The following AKT2 variants were observed in gnomAD, a reference collection of about 807,000 sequenced individuals.
The protein encoded by AKT2 is RAC-beta serine/threonine-protein kinase.
Under a neutral mutation model 58.6 loss-of-function variants are expected in AKT2, and 16 were observed. The observed-to-expected ratio is 0.27, with a 90% CI of 0.18 to 0.41. The LOEUF (loss-of-function observed/expected upper bound fraction) is 0.41, where lower values mean the gene tolerates loss of function less well. Among genes scored for constraint, AKT2 ranks in the 10% least tolerant of loss-of-function variants. AKT2 has a pLI of 1.00. For missense variants in AKT2, 438 were observed against 661.0 expected, an observed-to-expected ratio of 0.66 and a Z score of 3.70; for synonymous variants, 253 against 254.0, an observed-to-expected ratio of 1.00 and a Z score of 0.04.
intron 4 of AKT2, among the ~76,000 whole-genome samples, chr19:40,250,579 G>A (rs918654602): frequency 6.6e-6 from 1 of 152,022 alleles, no homozygotes; most frequent in African/African-American, 2.4e-5. Flanking sequence ...TGTAATCTTA[G>A]CACTCTGGGA....
chr19:40,255,337 C>T, intron 3 of AKT2, 68 bp from the exon 4 acceptor site: 1 of 1,298,146 alleles, frequency 7.7e-7, no homozygotes, highest in South Asian at 1.2e-5. Context: ...GCCCAAAGTG[C>T]CCGAGCCACC....
intron 1 of AKT2, chr19:40,273,396 A>C (rs2077252192): frequency 6.6e-6 from 1 of 150,722 alleles, no homozygotes; most frequent in African/African-American, 2.4e-5. Context: ...GGGAAACTTC[A>C]CTTTCTATAC....
intron 4 of AKT2, among the ~76,000 whole-genome samples, chr19:40,251,560 A>G (rs1045641920): frequency 1.3e-5 from 2 of 152,230 alleles, no homozygotes; most frequent in African/African-American, 4.8e-5. Flanking sequence ...AAAAAAATAA[A>G]TAAATTAATA....
At chr19:40,274,779 C>T (rs2077279641) in intron 1 of AKT2, 4 of 329,680 alleles carry the variant, frequency 1.2e-5, no homozygotes, top group South Asian at 2.5e-5. Flanking sequence ...AGGGGAGGGC[C>T]GGGAGATGTA....
chr19:40,276,011 CA>C (rs748730960), intron 1 of AKT2, among the ~76,000 whole-genome samples: 713 of 107,086 alleles, frequency 6.7e-3, no homozygotes, highest in Middle Eastern at 0.01. Context: ...GACTCCGTCT[CA>C]AAAAAAAAAA....
At chr19:40,269,970 C>G (rs1976598915) in intron 1 of AKT2, among the ~76,000 whole-genome samples, 1 of 152,208 alleles carries the variant, frequency 6.6e-6, no homozygotes, top group East Asian at 1.9e-4. Context: ...CTGCAACATC[C>G]CCCTTTGCTT....
chr19:40,232,714 TCACA>T lies in AKT2; in HGVS notation c.*1154_*1157del, dbSNP rs770057506. Reference sequence around the variant, plus strand: ...ATGCACACTGGAGGACACGCTGCCCTCACACAAACACACATGCACACACACCCAC... The same window carrying T: ...ATGCACACTGGAGGACACGCTGCCCTCAAACACACATGCACACACACCCAC... On this transcript the variant is annotated 3_prime_UTR_variant, in exon 14 of 14. Coordinates refer to ENST00000392038, the MANE Select transcript of AKT2 (RefSeq NM_001626.6). 5 of 233,340 alleles carry T rather than the reference TCACA, an allele frequency of 2.1e-5. No homozygotes were observed. Among genetic ancestry groups the T allele is most frequent in the Middle Eastern group, 1.2e-3 (1 of 812 alleles). 14.5% of individuals were successfully genotyped at this position (233,340 alleles called of 1,614,324 possible). A position where few individuals can be genotyped will look rare whatever the true frequency, so the allele number is the denominator to read the frequency against.
chr19:40,285,293 G>A lies in AKT2; in HGVS notation c.-197C>T, dbSNP rs1170493577. On this transcript the variant is annotated 5_prime_UTR_variant, in exon 1 of 14. Transcript: ENST00000392038. The stretch of plus-strand genomic sequence containing the variant: ...CGGCAGCGGCAACGGCGCCGGCAGC[G>A]GCAGCGGCGGCGGCGACGCCTCCTC... The A allele has an allele frequency of 2.5e-6, 1 of 395,060 alleles. No homozygotes were observed. Among genetic ancestry groups the A allele is most frequent in the Non-Finnish European group, 4.5e-6 (1 of 223,846 alleles). The allele number at this position is 395,060 out of a possible 1,614,324, so 24.5% of individuals were successfully genotyped here.
intron 4 of AKT2, among the ~76,000 whole-genome samples, chr19:40,252,036 T>C (rs1202351477): frequency 6.6e-6 from 1 of 152,150 alleles, no homozygotes; most frequent in Non-Finnish European, 1.5e-5. Context: ...GGAGGGTCTC[T>C]CCAGCTGGAG....
Position 40,255,147 on chromosome 19 carries a change from C to T in AKT2, c.287+11G>A. The T allele has an allele frequency of 6.3e-7, 1 of 1,598,450 alleles. No individual in the cohort carries two copies. Among genetic ancestry groups the T allele is most frequent in the African/African-American group, 1.3e-5 (1 of 74,744 alleles). Reference sequence around the variant, plus strand: ...CCTCTCAAGGGCAGCCACACAGAGGCCCAGACTGACCTCTCGTCTGGAGAA... The same window carrying T: ...CCTCTCAAGGGCAGCCACACAGAGGTCCAGACTGACCTCTCGTCTGGAGAA... On this transcript the variant is annotated intron_variant, in intron 4 of 13. Coordinates refer to ENST00000392038, the MANE Select transcript of AKT2 (RefSeq NM_001626.6).
intron 6 of AKT2, among the ~76,000 whole-genome samples, chr19:40,240,539 G>A (rs1974335187): frequency 6.6e-6 from 1 of 152,226 alleles, no homozygotes; most frequent in African/African-American, 2.4e-5. Context: ...GGAACTGGCA[G>A]CAATGCAAAT....
intron 4 of AKT2, among the ~76,000 whole-genome samples, chr19:40,247,601 A>T (rs1359520619): frequency 6.6e-6 from 1 of 152,124 alleles, no homozygotes; most frequent in Non-Finnish European, 1.5e-5. Context: ...CCCACGGGAA[A>T]AGCAAAGGAA....
chr19:40,244,521 C>T (rs1312859841), intron 4 of AKT2: 4 of 152,138 alleles, frequency 2.6e-5, no homozygotes, highest in Non-Finnish European at 5.9e-5. Flanking sequence ...CTGAATTACA[C>T]CAAATTGTCC....
intron 1 of AKT2, chr19:40,274,938 A>G (rs757926936): frequency 1.5e-5 from 6 of 393,228 alleles, no homozygotes; most frequent in Non-Finnish European, 3.1e-5. Context: ...CACCCAGGGC[A>G]GGGCAGGAGT....
Position 40,242,120 on chromosome 19 carries a change from T to C in AKT2, c.442-51A>G, listed in dbSNP as rs894049029. On this transcript the variant is annotated intron_variant, in intron 5 of 13. Coordinates refer to ENST00000392038, the MANE Select transcript of AKT2 (RefSeq NM_001626.6). This position sits in a 1 kb window ranked among gnomAD's most constrained non-coding sequence, Gnocchi z 4.3. ...CAGTCAGCGCCTGGCTCATGGCCCGTGGGAGGAAATTTTAACAAAAGAAAG... is the reference window on the plus strand; with the variant it reads ...CAGTCAGCGCCTGGCTCATGGCCCGCGGGAGGAAATTTTAACAAAAGAAAG... 1.2e-6 allele frequency: 2 copies of C among 1,611,830 alleles called. No individual in the cohort carries two copies. The highest frequency in any genetic ancestry group is 1.7e-6 in the Non-Finnish European group (2 of 1,179,188).
intron 4 of AKT2, among the ~76,000 whole-genome samples, chr19:40,249,069 G>T (rs1974955200): frequency 6.6e-6 from 1 of 152,008 alleles, no homozygotes; most frequent in Non-Finnish European, 1.5e-5. Context: ...AGGGAGGAGT[G>T]GAGGAGATGA....
intron 4 of AKT2, chr19:40,243,183 T>G: frequency 6.0e-6 from 1 of 167,166 alleles, no homozygotes; most frequent in South Asian, 1.5e-4. Context: ...ATCACCAATT[T>G]CCCTAAAGTG....
chr19:40,271,436 A>G (rs2077214513), intron 1 of AKT2, among the ~76,000 whole-genome samples: 1 of 150,578 alleles, frequency 6.6e-6, no homozygotes, highest in South Asian at 2.1e-4. Flanking sequence ...CAAAAAAAAA[A>G]AAAAAAAAAC....
At chr19:40,241,813 G>A in intron 6 of AKT2, 125 bp downstream of exon 6, 1 of 1,432,084 alleles carries the variant, frequency 7.0e-7, no homozygotes, top group Non-Finnish European at 9.5e-7. Context: ...TTCTGACTAG[G>A]GGGAATTTGT....
Sources: gnomAD v4.1 joint callset for allele counts (sites outside exome capture counted in the v4.1 genomes callset) on GRCh38, gnomAD v4.1.1 for gene constraint, Gnocchi (gnomAD v3.1) non-coding constraint, MANE v1.5 for transcripts, NCBI Gene and HGNC (gene_info 2026-07-23, HGNC 2026-07-21) for gene names.